Variants in CDC42BPA observed in about 807,000 individuals in gnomAD.
CDC42BPA encodes the protein serine/threonine-protein kinase MRCK alpha.
Under a neutral mutation model 223.5 loss-of-function variants are expected in CDC42BPA, and 80 were observed. That is an observed-to-expected ratio of 0.36 (90% confidence interval 0.30 to 0.43). The LOEUF is 0.43. Among genes scored for constraint, CDC42BPA ranks in the 20% least tolerant of loss-of-function variants. The pLI is 1.00. For synonymous variants in CDC42BPA, 694 were observed against 718.6 expected, an observed-to-expected ratio of 0.97 and a Z score of 0.55; for missense variants, 1,743 against 2,099.9, an observed-to-expected ratio of 0.83 and a Z score of 3.32.
At chr1:227,051,344 T>C (rs1673486282) in intron 22 of CDC42BPA, among the ~76,000 whole-genome samples, 2 of 152,218 alleles carry the variant, frequency 1.3e-5, no homozygotes, top group African/African-American at 4.8e-5. Flanking sequence ...GCCTATTGGC[T>C]ATTTAAAACC....
chr1:227,017,539 G>A (rs1429261847), intron 32 of CDC42BPA, among the ~76,000 whole-genome samples: 2 of 152,144 alleles, frequency 1.3e-5, no homozygotes, highest in African/African-American at 2.4e-5. Flanking sequence ...AATTTCCTTT[G>A]CAAGGTTCAG....
chr1:227,010,982 T>A (rs1158845287), intron 34 of CDC42BPA: 3 of 1,362,748 alleles, frequency 2.2e-6, no homozygotes, highest in Non-Finnish European at 2.9e-6. Flanking sequence ...GAATTAACAG[T>A]CATGTGATAG....
chr1:227,229,478 T>C (rs113564517), intron 2 of CDC42BPA, among the ~76,000 whole-genome samples: 2 of 152,220 alleles, frequency 1.3e-5, no homozygotes, highest in African/African-American at 4.8e-5. Context: ...AAAATTGTTT[T>C]GGCTATTCTG....
chr1:227,031,175 A>G (rs953186302), intron 28 of CDC42BPA, 123 bp downstream of exon 28: 22 of 706,136 alleles, frequency 3.1e-5, no homozygotes, highest in Admixed American at 1.5e-4. Flanking sequence ...ACATGTACTG[A>G]GCATTTATGA....
rs1450585594 is a variant in CDC42BPA at position 226,994,738 on chromosome 1, A to G, written c.5133+85T>C. 12 of 1,366,944 alleles carry G rather than the reference A, an allele frequency of 8.8e-6. No homozygotes were observed. The East Asian group carries it at 2.6e-4, about 29-fold the overall frequency. The allele number at this position is 1,366,944 out of a possible 1,614,324, so 84.7% of individuals were successfully genotyped here. ...CTGACCCCGAACCCTGCTGCAGCTG[A>G]GGCCAATCCCAAGGTGGTGGGATTG... is the stretch of plus-strand genomic sequence containing the variant. On this transcript the variant is annotated intron_variant, in intron 36 of 36. Coordinates refer to ENST00000366766, the MANE Select transcript of CDC42BPA (RefSeq NM_001394014.1). This position sits in a 1 kb window ranked among gnomAD's most constrained non-coding sequence, Gnocchi z 4.0.
At chr1:227,074,046 C>G in intron 18 of CDC42BPA, 34 bp from the exon 19 acceptor site, 2 of 1,591,756 alleles carry the variant, frequency 1.3e-6, no homozygotes, top group South Asian at 2.3e-5. Context: ...TAGTTCCATC[C>G]TATTTTTAAC....
At chr1:227,008,586 G>A (rs1287597665) in intron 34 of CDC42BPA, among the ~76,000 whole-genome samples, 4 of 152,022 alleles carry the variant, frequency 2.6e-5, no homozygotes, top group South Asian at 4.2e-4. Context: ...CTCAGAGAAA[G>A]TTTGCAGCAC....
chr1:227,139,186 C>T (rs1193421235), intron 10 of CDC42BPA, among the ~76,000 whole-genome samples: 1 of 151,978 alleles, frequency 6.6e-6, no homozygotes, highest in African/African-American at 2.4e-5. Context: ...TTTAAAATCA[C>T]CAAATATGGC....
intron 21 of CDC42BPA, among the ~76,000 whole-genome samples, chr1:227,054,398 C>T (rs10495267): frequency 0.2 from 30,328 of 152,048 alleles, 3,137 homozygotes; most frequent in Middle Eastern, 0.26. Flanking sequence ...TCTACTTTCT[C>T]GCATTAAAAT....
intron 18 of CDC42BPA, 69 bp downstream of exon 18, chr1:227,074,190 T>G: frequency 2.2e-6 from 3 of 1,367,686 alleles, no homozygotes; most frequent in Non-Finnish European, 3.1e-6. Flanking sequence ...TAATTGGATT[T>G]ATTATAGTGT....
intron 5 of CDC42BPA, among the ~76,000 whole-genome samples, chr1:227,168,690 G>T (rs1327065368): frequency 1.3e-5 from 2 of 151,442 alleles, no homozygotes; most frequent in Admixed American, 1.3e-4. Context: ...GTAGAGAAGG[G>T]GTTTCACCGT....
At chr1:227,040,812 T>C (rs898921136) in intron 23 of CDC42BPA, among the ~76,000 whole-genome samples, 5 of 152,222 alleles carry the variant, frequency 3.3e-5, no homozygotes, top group African/African-American at 1.2e-4. Flanking sequence ...GATGGCAGAT[T>C]GAAATTTCTT....
At chr1:227,299,467 A>G (rs904821859) in intron 1 of CDC42BPA, among the ~76,000 whole-genome samples, 10 of 152,126 alleles carry the variant, frequency 6.6e-5, no homozygotes, top group Non-Finnish European at 5.9e-5. Context: ...TTTTAGTAAT[A>G]CACCTAATTG....
At chr1:227,313,099 A>G (rs1054484468) in intron 1 of CDC42BPA, among the ~76,000 whole-genome samples, 1 of 152,206 alleles carries the variant, frequency 6.6e-6, no homozygotes, top group African/African-American at 2.4e-5. Flanking sequence ...AAATAAAAAG[A>G]GTAATGTTCC....
chr1:227,174,188 A>G (rs1449645383), intron 5 of CDC42BPA, among the ~76,000 whole-genome samples: 4 of 152,282 alleles, frequency 2.6e-5, no homozygotes, highest in Admixed American at 2.0e-4. Context: ...TAAGTCGAGG[A>G]GCATCCATAT....
chr1:227,162,955 TGTTTCCAAACGTGTGTATGTTTCCAAAC>T (rs1161471197), intron 5 of CDC42BPA, among the ~76,000 whole-genome samples: 1 of 149,692 alleles, frequency 6.7e-6, no homozygotes, highest in Non-Finnish European at 1.5e-5. Context: ...CAAACATATA[TGTTTCCAAACGTGTGTATGTTTCCAAAC>T]ATGTTTCCAA....
At chr1:227,091,181 TC>T (rs1285438420) in intron 16 of CDC42BPA, among the ~76,000 whole-genome samples, 1 of 151,844 alleles carries the variant, frequency 6.6e-6, no homozygotes, top group African/African-American at 2.4e-5. Flanking sequence ...TTATTAGCCA[TC>T]CGTGACGGGG....
chr1:227,129,341 A>G (rs1656504952), intron 10 of CDC42BPA, 110 bp from the exon 11 acceptor site: 2 of 783,244 alleles, frequency 2.6e-6, no homozygotes, highest in South Asian at 1.8e-5. Flanking sequence ...ATAGAACAAA[A>G]CATCTACTCA....
chr1:227,129,042 T>C (rs1171129839), intron 11 of CDC42BPA, 67 bp downstream of exon 11: 1 of 1,089,982 alleles, frequency 9.2e-7, no homozygotes, highest in Non-Finnish European at 1.3e-6. Flanking sequence ...ATAGATGTTT[T>C]TTGTGTGAAT....
Sources: gnomAD v4.1 joint callset for allele counts (sites outside exome capture counted in the v4.1 genomes callset) on GRCh38, gnomAD v4.1.1 for gene constraint, Gnocchi (gnomAD v3.1) non-coding constraint, MANE v1.5 for transcripts, NCBI Gene and HGNC (gene_info 2026-07-23, HGNC 2026-07-21) for gene names.